The following IFT80 variants were observed in gnomAD, a reference collection of about 807,000 sequenced individuals.
IFT80 encodes intraflagellar transport 80.
In IFT80, 79 loss-of-function variants were observed where a neutral mutation model predicts 107.9. The ratio of observed to expected loss-of-function variants is 0.73; its 90% CI spans 0.61 to 0.88. IFT80 has a LOEUF of 0.88. IFT80 is among the 40% of genes least tolerant of loss of function. The pLI, the probability that IFT80 is intolerant of heterozygous loss-of-function variation, is 0.00. For missense variants in IFT80, 797 were observed against 914.2 expected (o/e 0.87, Z 1.65); for synonymous variants, 299 against 300.9 (o/e 0.99, Z 0.07).
chr3:160,338,631 CAAA>C (rs539462708), intron 8 of IFT80, among the ~76,000 whole-genome samples: 4 of 110,556 alleles, frequency 3.6e-5, no homozygotes, highest in Admixed American at 1.9e-4. Context: ...GACCCTGTCT[CAAA>C]AAAAAAAAAA....
intron 9 of IFT80, among the ~76,000 whole-genome samples, chr3:160,319,196 A>G (rs1041350515): frequency 2.6e-5 from 4 of 151,954 alleles, no homozygotes; most frequent in African/African-American, 9.7e-5. Flanking sequence ...TCTTATTAAT[A>G]TATCTTTTGT....
intron 8 of IFT80, among the ~76,000 whole-genome samples, chr3:160,354,542 G>A (rs577727423): frequency 3.1e-4 from 47 of 152,154 alleles, no homozygotes; most frequent in South Asian, 1.2e-3. Context: ...AGTCCCAGCT[G>A]CTAGGGAGGC....
chr3:160,266,469 C>G (rs777728214), intron 19 of IFT80, among the ~76,000 whole-genome samples: 7 of 151,800 alleles, frequency 4.6e-5, no homozygotes, highest in Non-Finnish European at 8.8e-5. Context: ...CTCACTTCAG[C>G]CTTGACCTCC....
intron 19 of IFT80, among the ~76,000 whole-genome samples, chr3:160,267,033 A>T (rs1250692116): frequency 1.3e-5 from 2 of 152,110 alleles, no homozygotes; most frequent in East Asian, 3.9e-4. Context: ...GCAGGTTCCA[A>T]ATGAAATCAA....
chr3:160,287,265 T>C (rs1318747125), intron 12 of IFT80, among the ~76,000 whole-genome samples: 1 of 152,122 alleles, frequency 6.6e-6, no homozygotes, highest in African/African-American at 2.4e-5. Flanking sequence ...TTTTAGTGAA[T>C]TATCGAACTT....
chr3:160,374,805 G>A (rs753128981), intron 5 of IFT80, among the ~76,000 whole-genome samples: 12 of 152,172 alleles, frequency 7.9e-5, no homozygotes, highest in Non-Finnish European at 1.6e-4. Context: ...GTAACAATAA[G>A]TTGACTTTTG....
In IFT80 at chr3:160,279,203, C is replaced by T. The variant is rs540494495; in HGVS notation, c.1826G>A (p.Arg609His). The change falls in exon 16 of 20, where the codon CGC becomes CAC. Residue 609 changes from arginine to histidine, a missense_variant. By Grantham distance (29) the Arg-to-His change is conservative. Transcript: ENST00000326448. ...TAAAATGTAAATTACCTTAACAAAG[C>T]GACAAAGTCTCACAGCATCTTCCCA... Reference protein sequence around the residue: ...SKWEDAVRLCRFVKEQTMWAC... With the variant: ...SKWEDAVRLCHFVKEQTMWAC... 192 of 1,612,766 alleles carry T rather than the reference C, an allele frequency of 1.2e-4. 2 individuals carry two copies. The South Asian group carries it at 1.2e-3, about 10-fold the overall frequency.
chr3:160,314,461 C>G (rs902904602), intron 9 of IFT80, among the ~76,000 whole-genome samples: 2 of 152,148 alleles, frequency 1.3e-5, no homozygotes, highest in Non-Finnish European at 2.9e-5. Flanking sequence ...TACAGGCTAT[C>G]ATGTCCCACA....
chr3:160,383,198 G>A (rs532690083), intron 2 of IFT80, among the ~76,000 whole-genome samples: 2 of 152,242 alleles, frequency 1.3e-5, no homozygotes, highest in South Asian at 2.1e-4. Flanking sequence ...TAAAATTATC[G>A]TAGAAATGAG....
chr3:160,384,664 G>A lies in IFT80; in HGVS notation c.-46-18C>T. Reference sequence around the variant, plus strand: ...TGTATTTACTGTAAAAATAAAAGGAGAGAAAATATAAAGTCAGCATTAAAA... The same window carrying A: ...TGTATTTACTGTAAAAATAAAAGGAAAGAAAATATAAAGTCAGCATTAAAA... On this transcript the variant is annotated intron_variant, in intron 1 of 19. Transcript: ENST00000326448. 1.9e-6 allele frequency: 3 copies of A among 1,565,010 alleles called. No homozygotes were observed.
At chr3:160,387,510 CAAAAAAG>C (rs1713033560) in intron 1 of IFT80, among the ~76,000 whole-genome samples, 1 of 151,416 alleles carries the variant, frequency 6.6e-6, no homozygotes, top group African/African-American at 2.4e-5. Flanking sequence ...TCTCAAAAAA[CAAAAAAG>C]AAAAACAGTA....
intron 18 of IFT80, among the ~76,000 whole-genome samples, chr3:160,273,519 G>A (rs1005355459): frequency 6.6e-6 from 1 of 152,094 alleles, no homozygotes; most frequent in Admixed American, 6.6e-5. Context: ...TAATAGGGAG[G>A]GCGAAGGTGA....
intron 19 of IFT80, among the ~76,000 whole-genome samples, chr3:160,259,026 T>C (rs1712590664): frequency 6.6e-6 from 1 of 152,118 alleles, no homozygotes; most frequent in Admixed American, 6.5e-5. Flanking sequence ...GAGAATCAAC[T>C]AAGCCCTCAA....
intron 5 of IFT80, among the ~76,000 whole-genome samples, chr3:160,369,550 A>C (rs1301731880): frequency 6.6e-6 from 1 of 151,962 alleles, no homozygotes; most frequent in Non-Finnish European, 1.5e-5. Context: ...TAAAAGTGGA[A>C]GAATCAGCTT....
At chr3:160,272,453 G>A (rs571713111) in intron 18 of IFT80, among the ~76,000 whole-genome samples, 57 of 152,210 alleles carry the variant, frequency 3.7e-4, no homozygotes, top group Admixed American at 6.5e-4. Context: ...GATCATTGTC[G>A]AAGTGAATGA....
At chr3:160,397,855 G>A (rs1032969549) in intron 1 of IFT80, among the ~76,000 whole-genome samples, 23 of 151,502 alleles carry the variant, frequency 1.5e-4, no homozygotes, top group East Asian at 1.9e-4. Context: ...CCTAGTAGCT[G>A]GGATTACAGG....
At chr3:160,331,868 G>C (rs1719112656) in intron 8 of IFT80, among the ~76,000 whole-genome samples, 1 of 152,002 alleles carries the variant, frequency 6.6e-6, no homozygotes. Flanking sequence ...TGTTGCCCAG[G>C]CTGCTCTTGA....
intron 1 of IFT80, among the ~76,000 whole-genome samples, chr3:160,391,000 G>A (rs1399584400): frequency 3.9e-5 from 6 of 152,166 alleles, no homozygotes; most frequent in African/African-American, 1.2e-4. Flanking sequence ...GAAGTTACCT[G>A]TTTTTCTAGA....
At chr3:160,345,173 G>A (rs1436945269) in intron 8 of IFT80, among the ~76,000 whole-genome samples, 1 of 152,120 alleles carries the variant, frequency 6.6e-6, no homozygotes, top group East Asian at 1.9e-4. Flanking sequence ...GGCAAGATGT[G>A]GAAGCAACCT....
Sources: gnomAD v4.1 joint callset for allele counts (sites outside exome capture counted in the v4.1 genomes callset) on GRCh38, gnomAD v4.1.1 for gene constraint, MANE v1.5 for transcripts, NCBI Gene and HGNC (gene_info 2026-07-23, HGNC 2026-07-21) for gene names.